CNTNAP4: variants seen among roughly 807,000 people sequenced by gnomAD.
CNTNAP4 encodes contactin-associated protein-like 4.
Under a neutral mutation model 148.4 loss-of-function variants are expected in CNTNAP4, and 98 were observed. The observed-to-expected ratio is 0.66, with a 90% confidence interval of 0.56 to 0.78. The LOEUF is 0.78. CNTNAP4 is among the 30% of genes least tolerant of loss of function. The probability of loss-of-function intolerance (pLI) is 0.00; values close to 1 mark genes in which losing one functional copy is unlikely to be tolerated. For synonymous variants in CNTNAP4, 730 were observed against 565.1 expected, an observed-to-expected ratio of 1.29 and a Z score of -4.14; for missense variants, 1,935 against 1,565.6, an observed-to-expected ratio of 1.24 and a Z score of -3.98.
At chr16:76,363,846 T>C (rs2013752470) in intron 3 of CNTNAP4, among the ~76,000 whole-genome samples, 2 of 152,198 alleles carry the variant, frequency 1.3e-5, no homozygotes. Context: ...TGTCGGTGGC[T>C]CTGTTTCATC....
intron 12 of CNTNAP4, among the ~76,000 whole-genome samples, chr16:76,483,789 G>C (rs997952044): frequency 1.3e-5 from 2 of 152,144 alleles, no homozygotes; most frequent in African/African-American, 4.8e-5. Flanking sequence ...TGAATGTCAG[G>C]CAGGCCAAAT....
intron 3 of CNTNAP4, among the ~76,000 whole-genome samples, chr16:76,422,122 A>T (rs568878232): frequency 6.6e-6 from 1 of 152,230 alleles, no homozygotes; most frequent in East Asian, 1.9e-4. Context: ...AACTCCATAA[A>T]TTTTCTTGGT....
At chr16:76,338,569 C>G (rs879433529) in intron 2 of CNTNAP4, among the ~76,000 whole-genome samples, 6 of 152,180 alleles carry the variant, frequency 3.9e-5, no homozygotes, top group Non-Finnish European at 7.3e-5. Context: ...CAGCAGTGCT[C>G]TCCACACCCT....
chr16:76,348,600 A>G (rs915105381), intron 2 of CNTNAP4, among the ~76,000 whole-genome samples: 1 of 152,202 alleles, frequency 6.6e-6, no homozygotes, highest in African/African-American at 2.4e-5. Flanking sequence ...GTGGAAGCTA[A>G]GTGAGCAAAG....
chr16:76,503,723 C>T (rs1178325904), intron 15 of CNTNAP4, among the ~76,000 whole-genome samples: 2 of 151,690 alleles, frequency 1.3e-5, no homozygotes, highest in Admixed American at 6.6e-5. Flanking sequence ...GTTCCCCTTC[C>T]TGTGTCCAAG....
intron 3 of CNTNAP4, among the ~76,000 whole-genome samples, chr16:76,393,077 G>T (rs1291500531): frequency 6.6e-6 from 1 of 152,152 alleles, no homozygotes; most frequent in Admixed American, 6.5e-5. Flanking sequence ...TCTTTCCTCT[G>T]TTTTTCTGAA....
intron 4 of CNTNAP4, among the ~76,000 whole-genome samples, chr16:76,444,080 T>A (rs1460351910): frequency 6.6e-6 from 1 of 152,154 alleles, no homozygotes; most frequent in Non-Finnish European, 1.5e-5. Context: ...AAAACTAGTT[T>A]CAAAGAAAAT....
chr16:76,328,074 T>C (rs1963169200), intron 2 of CNTNAP4, among the ~76,000 whole-genome samples: 1 of 152,204 alleles, frequency 6.6e-6, no homozygotes, highest in African/African-American at 2.4e-5. Flanking sequence ...AAATAATTTA[T>C]ATAGATTTTC....
intron 17 of CNTNAP4, among the ~76,000 whole-genome samples, chr16:76,533,753 G>C (rs1417632628): frequency 6.6e-6 from 1 of 152,074 alleles, no homozygotes; most frequent in Non-Finnish European, 1.5e-5. Flanking sequence ...CCAAAACTCT[G>C]TGATGAAATT....
chr16:76,391,364 C>T (rs1316010728), intron 3 of CNTNAP4, among the ~76,000 whole-genome samples: 1 of 152,192 alleles, frequency 6.6e-6, no homozygotes, highest in East Asian at 1.9e-4. Context: ...TGTTCTTTCC[C>T]ACCAGCCACA....
chr16:76,547,446 A>T (rs143264953), intron 21 of CNTNAP4, among the ~76,000 whole-genome samples: 1 of 152,176 alleles, frequency 6.6e-6, no homozygotes, highest in African/African-American at 2.4e-5. Context: ...ACTATTTGTT[A>T]TTTTTTGTGT....
At chr16:76,516,784 C>T (rs2144057436) in intron 15 of CNTNAP4, among the ~76,000 whole-genome samples, 1 of 152,292 alleles carries the variant, frequency 6.6e-6, no homozygotes, top group South Asian at 2.1e-4. Context: ...TAATTCTGGG[C>T]CAGAAGTGGT....
At chr16:76,277,791 T>C (rs772019856) in intron 1 of CNTNAP4, 44 bp downstream of exon 1, 2 of 1,171,620 alleles carry the variant, frequency 1.7e-6, no homozygotes, top group Non-Finnish European at 2.5e-6. Context: ...GGGGGCTCTC[T>C]GCAAAACTTT....
At chr16:76,289,523 T>C (rs912309717) in intron 1 of CNTNAP4, among the ~76,000 whole-genome samples, 4 of 130,456 alleles carry the variant, frequency 3.1e-5, no homozygotes, top group African/African-American at 1.3e-4. Context: ...TTCATTGCCT[T>C]TAGCATTTTT....
At chr16:76,328,483 A>G (rs537070415) in intron 2 of CNTNAP4, among the ~76,000 whole-genome samples, 1 of 152,324 alleles carries the variant, frequency 6.6e-6, no homozygotes, top group East Asian at 1.9e-4. Context: ...ACTAAACGCA[A>G]CAACATGAAA....
intron 2 of CNTNAP4, among the ~76,000 whole-genome samples, chr16:76,317,280 A>AAAAAAAAAAAAAAAAAAAACC (rs1567680121): frequency 2.9e-5 from 1 of 34,008 alleles, no homozygotes; most frequent in Non-Finnish European, 5.3e-5. Flanking sequence ...AAAAAAACCA[A>AAAAAAAAAAAAAAAAAAAACC]AAAAAAAAAA....
intron 23 of CNTNAP4, among the ~76,000 whole-genome samples, chr16:76,556,225 C>G (rs1438251058): frequency 6.6e-6 from 1 of 152,006 alleles, no homozygotes; most frequent in Non-Finnish European, 1.5e-5. Flanking sequence ...TCTGGCCAGG[C>G]TACCCAGATA....
intron 15 of CNTNAP4, among the ~76,000 whole-genome samples, chr16:76,517,328 G>T (rs1398819492): frequency 6.6e-6 from 1 of 152,064 alleles, no homozygotes; most frequent in African/African-American, 2.4e-5. Flanking sequence ...TCCTGCTATT[G>T]TTTTGTAAGG....
chr16:76,400,430 G>C (rs1242577644), intron 3 of CNTNAP4, among the ~76,000 whole-genome samples: 2 of 152,016 alleles, frequency 1.3e-5, no homozygotes, highest in Non-Finnish European at 2.9e-5. Flanking sequence ...ATTCCTTACA[G>C]ATGCTGGATA....
Sources: allele counts gnomAD v4.1 joint callset (sites outside exome capture counted in the v4.1 genomes callset), GRCh38; gene constraint gnomAD v4.1.1; transcripts MANE v1.5; gene names NCBI Gene and HGNC (gene_info 2026-07-23, HGNC 2026-07-21).